The following ETV7 variants were observed in gnomAD, a reference collection of about 807,000 sequenced individuals.
ETV7 encodes ETS variant transcription factor 7.
ETV7 carries 43 observed loss-of-function variants against 39.1 expected under a neutral mutation model. The observed-to-expected ratio is 1.10, with a 90% CI of 0.86 to 1.42. The LOEUF is 1.42. Ranked by LOEUF, ETV7 falls within the 40% of genes most tolerant of loss-of-function variation. ETV7 has a pLI of 0.00. For missense variants in ETV7, 432 were observed against 442.3 expected (o/e 0.98, Z 0.21); for synonymous variants, 196 against 176.6 (o/e 1.11, Z -0.87).
intron 7 of ETV7, 56 bp from the exon 8 acceptor site, chr6:36,366,818 C>G: frequency 6.2e-7 from 1 of 1,612,992 alleles, no homozygotes; most frequent in Non-Finnish European, 8.5e-7. Context: ...AGGGGGATTC[C>G]AGCCCACCCA....
At chr6:36,385,692 A>G (rs751676299) in intron 1 of ETV7, 23 bp from the exon 2 acceptor site, 1 of 1,575,270 alleles carries the variant, frequency 6.3e-7, no homozygotes, top group South Asian at 1.2e-5. Context: ...AAACCAGGAC[A>G]GTCAAAGAAG....
chr6:36,356,315 C>G, intron 7 of ETV7, among the ~76,000 whole-genome samples: 1 of 126,646 alleles, frequency 7.9e-6, no homozygotes. Flanking sequence ...AAGAGTGAGA[C>G]CCTGTCTCAA....
intron 1 of ETV7, 145 bp downstream of exon 1, chr6:36,387,391 T>C: frequency 8.5e-7 from 1 of 1,177,770 alleles, no homozygotes; most frequent in Non-Finnish European, 1.3e-6. Context: ...GGGATGGATG[T>C]GAGGTTTAGG....
At position 36,375,882 on chromosome 6, in the gene ETV7, G is replaced by A. The variant is rs376778047; in HGVS notation, c.296C>T (p.Ala99Val). 1.5e-5 allele frequency: 24 copies of A among 1,613,942 alleles called. No homozygotes were observed. The highest frequency in any genetic ancestry group is 1.2e-4 in the African/African-American group (9 of 74,936). Residue 99 changes from alanine to valine, a missense_variant, in exon 3 of 8, where the codon GCG (alanine) becomes GTG (valine). Coordinates refer to ENST00000340181, the MANE Select transcript of ETV7 (RefSeq NM_016135.4). The part of the protein sequence containing the change: ...ILTKDDFRHR[A>V]PSSGDVLYEL... ...TGCGTTTCCCTGACCTGAGCTGGGC[G>A]CACGGTGCCGGAAGTCGTCCTTGGT...
At chr6:36,362,333 GGT>G (rs1772519760), downstream of ETV7, among the ~76,000 whole-genome samples, 3 of 151,876 alleles carry the variant, frequency 2.0e-5, no homozygotes, top group Admixed American at 2.0e-4. Context: ...TGTGGTGGCG[GGT>G]GCCTGTAGTC....
chr6:36,363,598 G>A (rs187077726), downstream of ETV7, among the ~76,000 whole-genome samples: 115 of 152,372 alleles, frequency 7.5e-4, no homozygotes, highest in Non-Finnish European at 1.5e-3. Context: ...CTCCCACGGT[G>A]TCAAAGGGGA....
intron 7 of ETV7, among the ~76,000 whole-genome samples, chr6:36,354,950 T>C (rs916207451): frequency 1.3e-5 from 2 of 152,252 alleles, no homozygotes; most frequent in South Asian, 2.1e-4. Context: ...TTCATTGTCA[T>C]AGATAGAAAT....
chr6:36,362,098 A>G (rs1772507069), downstream of ETV7, among the ~76,000 whole-genome samples: 1 of 152,088 alleles, frequency 6.6e-6, no homozygotes, highest in Admixed American at 6.6e-5. Flanking sequence ...GGAGATCGAG[A>G]CCATCCTGGC....
chr6:36,355,931 T>G (rs1192300445), intron 7 of ETV7, among the ~76,000 whole-genome samples: 1 of 152,156 alleles, frequency 6.6e-6, no homozygotes, highest in Non-Finnish European at 1.5e-5. Context: ...ACAGGAACTC[T>G]CCTCCTACGA....
intron 6 of ETV7, among the ~76,000 whole-genome samples, chr6:36,367,993 T>C (rs2127387290): frequency 6.6e-6 from 1 of 152,334 alleles, no homozygotes; most frequent in Admixed American, 6.5e-5. Flanking sequence ...CTGTTCTATA[T>C]GAGGATTAGA....
chr6:36,379,567 A>T (rs1439735275), intron 2 of ETV7, among the ~76,000 whole-genome samples: 1 of 144,562 alleles, frequency 6.9e-6, no homozygotes, highest in Non-Finnish European at 1.5e-5. Context: ...AAAAAAGAAG[A>T]AGAAGAAGAA....
Position 36,366,331 on chromosome 6 carries a change from C to T in ETV7, c.*314G>A. 1 of 1,159,732 alleles carries T rather than the reference C, an allele frequency of 8.6e-7. No homozygotes were observed. Among genetic ancestry groups the T allele is most frequent in the Non-Finnish European group, 1.1e-6 (1 of 937,052 alleles). The allele number at this position is 1,159,732 out of a possible 1,614,324, so 71.8% of individuals were successfully genotyped here. On this transcript the variant is annotated 3_prime_UTR_variant, in exon 8 of 8. Coordinates refer to ENST00000340181, the MANE Select transcript of ETV7 (RefSeq NM_016135.4). Reference sequence around the variant, plus strand: ...CAGTGAGGGACTTCATTCCCTTCATCTGGTAAATTCCATTTACAGGGGTGG... The same window carrying T: ...CAGTGAGGGACTTCATTCCCTTCATTTGGTAAATTCCATTTACAGGGGTGG...
At chr6:36,359,439 G>A (rs554884906) in intron 7 of ETV7, among the ~76,000 whole-genome samples, 8 of 142,860 alleles carry the variant, frequency 5.6e-5, no homozygotes, top group East Asian at 2.1e-4. Context: ...TAACAAGAGC[G>A]AAACTCAGTC....
At chr6:36,356,446 C>A (rs529574598) in intron 7 of ETV7, among the ~76,000 whole-genome samples, 1 of 152,100 alleles carries the variant, frequency 6.6e-6, no homozygotes, top group African/African-American at 2.4e-5. Context: ...CATGACAGCT[C>A]CGAGAGCCCC....
At chr6:36,370,181 T>C (rs557539247) in intron 5 of ETV7, among the ~76,000 whole-genome samples, 1 of 152,164 alleles carries the variant, frequency 6.6e-6, no homozygotes, top group African/African-American at 2.4e-5. Context: ...GACATAACAA[T>C]GGGAACAATA....
chr6:36,357,043 G>A (rs1772360257), intron 7 of ETV7, among the ~76,000 whole-genome samples: 1 of 152,228 alleles, frequency 6.6e-6, no homozygotes, highest in Non-Finnish European at 1.5e-5. Context: ...ATGGCAGACA[G>A]TGCATTACAA....
At chr6:36,382,537 G>A (rs1367956396) in intron 2 of ETV7, among the ~76,000 whole-genome samples, 1 of 152,128 alleles carries the variant, frequency 6.6e-6, no homozygotes, top group African/African-American at 2.4e-5. Flanking sequence ...AGAAGCCCTG[G>A]TCTGGAATAC....
At chr6:36,370,683 A>T (rs1353943524) in intron 5 of ETV7, among the ~76,000 whole-genome samples, 1 of 144,276 alleles carries the variant, frequency 6.9e-6, no homozygotes, top group Non-Finnish European at 1.5e-5. Context: ...ACCTAAAATA[A>T]AAGTTGAAAA....
chr6:36,380,397 G>A (rs185152564), intron 2 of ETV7, among the ~76,000 whole-genome samples: 4 of 152,232 alleles, frequency 2.6e-5, no homozygotes, highest in Non-Finnish European at 5.9e-5. Context: ...TCACTCTCCC[G>A]GCCCAGTGGC....
Sources: gnomAD v4.1 joint callset for allele counts (sites outside exome capture counted in the v4.1 genomes callset) on GRCh38, gnomAD v4.1.1 for gene constraint, MANE v1.5 for transcripts, NCBI Gene and HGNC (gene_info 2026-07-23, HGNC 2026-07-21) for gene names.